Variants in RAB27B observed in about 807,000 individuals in gnomAD.
RAB27B encodes the protein RAB27B, member RAS oncogene family, also known as ras-related protein Rab-27B.
In RAB27B, 15 loss-of-function variants were observed where a neutral mutation model predicts 24.6. The ratio of observed to expected loss-of-function variants is 0.61; its 90% CI spans 0.41 to 0.94. The LOEUF (loss-of-function observed/expected upper bound fraction) is 0.94. RAB27B is among the 40% of genes least tolerant of loss of function. The pLI is 0.00. For missense variants in RAB27B, 261 were observed against 266.8 expected (o/e 0.98, Z 0.15); for synonymous variants, 105 against 92.5 (o/e 1.14, Z -0.78).
chr18:54,751,139 C>A (rs1907817497), intron 2 of RAB27B, among the ~76,000 whole-genome samples: 1 of 152,050 alleles, frequency 6.6e-6, no homozygotes, highest in Non-Finnish European at 1.5e-5. Context: ...GTTTTATAGC[C>A]AATTGGTTTA....
rs1450348703 is a variant in RAB27B, at chr18:54,841,202, C to T, written c.-20+12502C>T. Among the ~76,000 whole-genome samples the T allele has an allele frequency of 2.2e-5, 3 of 135,946 alleles. No individual in the cohort carries two copies. In the South Asian group the frequency reaches 7.2e-4, roughly 33 times the overall value. The allele number at this position is 135,946 out of a possible 152,430, so 89.2% of individuals were successfully genotyped here. A position where few individuals can be genotyped will look rare whatever the true frequency, so the allele number is the denominator to read the frequency against. On this transcript the variant is annotated intron_variant, in intron 1 of 5. Transcript: ENST00000262094. ...GAGGGGCGGGAAAAATACAGGTAGTCCTCCCCATCCATGGGTTCATTATCC... is the reference window on the plus strand; with the variant it reads ...GAGGGGCGGGAAAAATACAGGTAGTTCTCCCCATCCATGGGTTCATTATCC...
intron 1 of RAB27B, among the ~76,000 whole-genome samples, chr18:54,873,734 T>A (rs894253248): frequency 6.7e-6 from 1 of 149,944 alleles, no homozygotes; most frequent in Non-Finnish European, 1.5e-5. Flanking sequence ...TGTGTGAGTG[T>A]GTTGACAGAG....
intron 2 of RAB27B, among the ~76,000 whole-genome samples, chr18:54,750,706 A>G (rs940913682): frequency 6.6e-6 from 1 of 152,194 alleles, no homozygotes; most frequent in Non-Finnish European, 1.5e-5. Flanking sequence ...CGAATTCAAG[A>G]CACTCAGGTT....
At chr18:54,847,562 T>C (rs1183049174) in intron 1 of RAB27B, among the ~76,000 whole-genome samples, 2 of 152,262 alleles carry the variant, frequency 1.3e-5, no homozygotes, top group Admixed American at 6.5e-5. Flanking sequence ...CTTCTCCAAG[T>C]CCTTGACTCT....
At chr18:54,787,218 G>A (rs987219778) in intron 2 of RAB27B, among the ~76,000 whole-genome samples, 9 of 152,202 alleles carry the variant, frequency 5.9e-5, no homozygotes, top group Admixed American at 2.0e-4. Context: ...CTGCCAGCTC[G>A]TCCAGGTTTA....
chr18:54,767,999 G>A (rs779208715), intron 2 of RAB27B, among the ~76,000 whole-genome samples: 38 of 152,050 alleles, frequency 2.5e-4, no homozygotes, highest in Non-Finnish European at 4.1e-4. Context: ...AAGAATCTCC[G>A]GCTAATAGAG....
chr18:54,790,524 A>AG (rs1457074363), intron 2 of RAB27B, among the ~76,000 whole-genome samples: 2 of 152,212 alleles, frequency 1.3e-5, no homozygotes, highest in Non-Finnish European at 2.9e-5. Context: ...ATTAAAGTTT[A>AG]GAGAAAAAAA....
intron 2 of RAB27B, among the ~76,000 whole-genome samples, chr18:54,819,375 A>G (rs971066159): frequency 6.7e-6 from 1 of 149,598 alleles, no homozygotes; most frequent in South Asian, 2.1e-4. Context: ...ACTAGATCAT[A>G]CAAAAAATTA....
At chr18:54,842,385 A>C (rs1911152268) in intron 1 of RAB27B, among the ~76,000 whole-genome samples, 1 of 152,212 alleles carries the variant, frequency 6.6e-6, no homozygotes, top group Admixed American at 6.5e-5. Flanking sequence ...TTCCAGTCTT[A>C]CTTCAAGGGC....
chr18:54,856,771 C>T (rs769172464), intron 1 of RAB27B, among the ~76,000 whole-genome samples: 4 of 152,156 alleles, frequency 2.6e-5, no homozygotes, highest in African/African-American at 4.8e-5. Flanking sequence ...AAACTCTGTG[C>T]CCAATGCATA....
At chr18:54,763,372 C>T (rs59247484) in intron 2 of RAB27B, among the ~76,000 whole-genome samples, 6,650 of 152,050 alleles carry the variant, frequency 0.044, 210 homozygotes, top group Admixed American at 0.082. Context: ...AGGACAAGCT[C>T]CTTCCAAAAC....
At chr18:54,885,390 A>G (rs1277150299) in intron 4 of RAB27B, among the ~76,000 whole-genome samples, 2 of 152,072 alleles carry the variant, frequency 1.3e-5, no homozygotes, top group African/African-American at 4.8e-5. Flanking sequence ...CTTACCTACA[A>G]GGTCACTGTG....
At chr18:54,811,981 A>G (rs1444689414) in intron 2 of RAB27B, among the ~76,000 whole-genome samples, 1 of 152,200 alleles carries the variant, frequency 6.6e-6, no homozygotes, top group African/African-American at 2.4e-5. Flanking sequence ...GAACATCTCA[A>G]TGGGTTCTGA....
chr18:54,879,445 G>A lies in RAB27B; in HGVS notation c.230G>A (p.Gly77Glu). 1 of 1,610,520 alleles carries A rather than the reference G, an allele frequency of 6.2e-7. No individual in the cohort carries two copies. The highest frequency in any genetic ancestry group is 8.5e-7 in the Non-Finnish European group (1 of 1,176,786). The change falls in exon 3 of 6, where the codon GGA becomes GAA. Residue 77 changes from glycine (G) to glutamate (E), a missense_variant. By Grantham distance (98) the Gly-to-Glu change is moderately conservative. Transcript: ENST00000262094. Reference protein sequence around the residue: ...KVHLQLWDTAGQERFRSLTTA... With the variant: ...KVHLQLWDTAEQERFRSLTTA... ...CATCTTCAGCTTTGGGACACTGCGG[G>A]ACAAGAGCGGTAATAGTAAATTGCT...
chr18:54,770,399 G>T (rs1908505912), intron 2 of RAB27B, among the ~76,000 whole-genome samples: 1 of 151,824 alleles, frequency 6.6e-6, no homozygotes, highest in Non-Finnish European at 1.5e-5. Context: ...GCATTTGAGG[G>T]ATCTAAGTGT....
chr18:54,810,824 C>T (rs1909936576), intron 2 of RAB27B, among the ~76,000 whole-genome samples: 1 of 147,358 alleles, frequency 6.8e-6, no homozygotes. Context: ...CAGAGCAAGA[C>T]CCTGTCTCAA....
At chr18:54,811,688 A>G (rs1013205287) in intron 2 of RAB27B, among the ~76,000 whole-genome samples, 5 of 152,196 alleles carry the variant, frequency 3.3e-5, no homozygotes, top group African/African-American at 1.2e-4. Context: ...TTACGTTGCC[A>G]GGGTGAAATT....
chr18:54,767,116 G>T (rs905508298), intron 2 of RAB27B, among the ~76,000 whole-genome samples: 3 of 152,110 alleles, frequency 2.0e-5, no homozygotes, highest in Admixed American at 6.6e-5. Context: ...GTTTTACCAC[G>T]CTGGGAACCA....
At chr18:54,775,767 C>T (rs138950590) in intron 2 of RAB27B, among the ~76,000 whole-genome samples, 86 of 152,332 alleles carry the variant, frequency 5.6e-4, no homozygotes, top group African/African-American at 2.0e-3. Context: ...GCTCATGAAA[C>T]TCCCCTCTTT....
Sources: gnomAD v4.1 joint callset for allele counts (sites outside exome capture counted in the v4.1 genomes callset) on GRCh38, gnomAD v4.1.1 for gene constraint, MANE v1.5 for transcripts, NCBI Gene and HGNC (gene_info 2026-07-23, HGNC 2026-07-21) for gene names.